The following SV2C variants were observed in gnomAD, a reference collection of about 807,000 sequenced individuals.
SV2C encodes the protein solute carrier family 22 member B3.
Under a neutral mutation model 79.7 loss-of-function variants are expected in SV2C, and 49 were observed. That is an observed-to-expected ratio of 0.61 (90% CI 0.49 to 0.78). The LOEUF is 0.78. Among genes scored for constraint, SV2C ranks in the 30% least tolerant of loss-of-function variants. SV2C has a pLI of 0.00. For synonymous variants in SV2C, 334 were observed against 333.2 expected (o/e 1.00, Z -0.03); for missense variants, 833 against 912.9 (o/e 0.91, Z 1.13).
rs138083486 is a variant in SV2C at position 76,194,554 on chromosome 5, C to A, written c.581-365C>A. On this transcript the variant is annotated intron_variant, in intron 2 of 12. Coordinates refer to ENST00000502798, the MANE Select transcript of SV2C (RefSeq NM_014979.4). Reference sequence around the variant, plus strand: ...CACCATAGTACAGAGAAAAATATACCCTCCACACCCAGGCAAAGGTTGACC... The same window carrying A: ...CACCATAGTACAGAGAAAAATATACACTCCACACCCAGGCAAAGGTTGACC... Among the ~76,000 whole-genome samples the A allele has an allele frequency of 2.0e-3, 309 of 152,224 alleles. 2 individuals carry two copies. Among genetic ancestry groups the A allele is most frequent in the Middle Eastern group, 3.4e-3 (1 of 294 alleles).
the SV2C span, among the ~76,000 whole-genome samples, chr5:75,909,072 G>A: frequency 1.3e-5 from 2 of 152,198 alleles, no homozygotes; most frequent in Non-Finnish European, 2.9e-5. Context: ...CAGAAAAGTT[G>A]AGACTTAGAA....
chr5:75,962,583 T>A, the SV2C span, among the ~76,000 whole-genome samples: 1 of 152,148 alleles, frequency 6.6e-6, no homozygotes, highest in East Asian at 1.9e-4. Flanking sequence ...GTGTCAGTGA[T>A]AACCCACTGG....
the SV2C span, among the ~76,000 whole-genome samples, chr5:75,890,839 G>T: frequency 6.6e-6 from 1 of 152,076 alleles, no homozygotes; most frequent in Admixed American, 6.6e-5. Flanking sequence ...CAGCAGAGGT[G>T]AATGAGGATA....
chr5:76,184,964 G>C (rs1743867522), intron 2 of SV2C, among the ~76,000 whole-genome samples: 2 of 152,144 alleles, frequency 1.3e-5, no homozygotes, highest in Non-Finnish European at 2.9e-5. Context: ...TTCTTCCTAT[G>C]AGCCTGTAAA....
intron 7 of SV2C, 58 bp downstream of exon 7, chr5:76,291,389 A>T (rs1747559394): frequency 7.1e-7 from 1 of 1,411,494 alleles, no homozygotes; most frequent in South Asian, 1.3e-5. Flanking sequence ...GAGGTTAGTC[A>T]GAAGAGGGGT....
the SV2C span, among the ~76,000 whole-genome samples, chr5:76,072,800 C>T: frequency 1.3e-3 from 194 of 152,256 alleles, no homozygotes; most frequent in African/African-American, 4.5e-3. Context: ...GCCATTCTTG[C>T]AGAAGTAAGG....
chr5:76,030,530 A>T, the SV2C span, among the ~76,000 whole-genome samples: 2 of 151,970 alleles, frequency 1.3e-5, no homozygotes, highest in African/African-American at 4.8e-5. Flanking sequence ...AGTAATGCTG[A>T]TTTGCTCTAA....
At chr5:76,338,216 T>C (rs1238297625), downstream of SV2C, among the ~76,000 whole-genome samples, 1 of 152,144 alleles carries the variant, frequency 6.6e-6, no homozygotes, top group South Asian at 2.1e-4. Flanking sequence ...ATGAAGTAGA[T>C]AGGACAGGAT....
At chr5:75,899,529 A>G in the SV2C span, among the ~76,000 whole-genome samples, 3 of 152,134 alleles carry the variant, frequency 2.0e-5, no homozygotes, top group East Asian at 1.9e-4. Context: ...GTGCTGAAAA[A>G]AATGTATATT....
the SV2C span, among the ~76,000 whole-genome samples, chr5:75,902,581 A>G: frequency 3.4e-3 from 521 of 152,316 alleles, 1 homozygote; most frequent in African/African-American, 0.012. Context: ...CTTTTCCCAG[A>G]GCTCAAATGG....
At chr5:76,231,143 G>A (rs1745406461) in intron 4 of SV2C, among the ~76,000 whole-genome samples, 1 of 152,180 alleles carries the variant, frequency 6.6e-6, no homozygotes, top group South Asian at 2.1e-4. Flanking sequence ...CGTCAGTTCA[G>A]TTGTTTTTCT....
the SV2C span, among the ~76,000 whole-genome samples, chr5:75,861,459 A>G: frequency 6.6e-6 from 1 of 152,204 alleles, no homozygotes; most frequent in Non-Finnish European, 1.5e-5. Context: ...CAACTCAGCA[A>G]TCCCATTACT....
At chr5:75,920,339 CCAATCAAATAAT>C in the SV2C span, among the ~76,000 whole-genome samples, 3 of 152,124 alleles carry the variant, frequency 2.0e-5, no homozygotes, top group African/African-American at 7.2e-5. Flanking sequence ...CCTTCAGTCA[CCAATCAAATAAT>C]CAGGCAGGAG....
the SV2C span, among the ~76,000 whole-genome samples, chr5:76,017,528 T>G: frequency 6.6e-6 from 1 of 152,116 alleles, no homozygotes; most frequent in African/African-American, 2.4e-5. Context: ...GTCCACCTGC[T>G]TCAGCCTCCC....
chr5:75,944,650 GA>G, the SV2C span, among the ~76,000 whole-genome samples: 3 of 152,124 alleles, frequency 2.0e-5, no homozygotes, highest in African/African-American at 7.2e-5. Context: ...ACCTGGGTTT[GA>G]ACTAAGGACA....
At chr5:76,290,482 G>A (rs1747523568) in intron 6 of SV2C, among the ~76,000 whole-genome samples, 1 of 152,174 alleles carries the variant, frequency 6.6e-6, no homozygotes, top group Non-Finnish European at 1.5e-5. Context: ...GCCCACAAAG[G>A]ACCCATTCTT....
At chr5:75,860,001 C>T in the SV2C span, among the ~76,000 whole-genome samples, 2 of 152,128 alleles carry the variant, frequency 1.3e-5, no homozygotes, top group Non-Finnish European at 2.9e-5. Context: ...TCCGAAGCTC[C>T]GGTCCCCTAG....
At chr5:76,125,260 T>A (rs531642977) in intron 1 of SV2C, among the ~76,000 whole-genome samples, 1 of 152,312 alleles carries the variant, frequency 6.6e-6, no homozygotes, top group Admixed American at 6.5e-5. Flanking sequence ...GCAATTACAT[T>A]TGGAAAACTT....
the SV2C span, among the ~76,000 whole-genome samples, chr5:76,066,261 T>C: frequency 2.6e-5 from 4 of 151,926 alleles, no homozygotes; most frequent in Admixed American, 6.5e-5. Context: ...TGGAATACTA[T>C]GCAGCCATAA....
Sources: allele counts gnomAD v4.1 joint callset (sites outside exome capture counted in the v4.1 genomes callset), GRCh38; gene constraint gnomAD v4.1.1; transcripts MANE v1.5; gene names NCBI Gene and HGNC (gene_info 2026-07-23, HGNC 2026-07-21).